Variants in USH2A observed in about 807,000 individuals in gnomAD.
USH2A encodes usherin, also known as Usher syndrome 2A (autosomal recessive, mild).
USH2A carries 443 observed loss-of-function variants against 538.9 expected under a neutral mutation model. The observed-to-expected ratio is 0.82, with a 90% confidence interval of 0.76 to 0.89. USH2A has a LOEUF of 0.89. USH2A is among the 40% of genes least tolerant of loss of function. The pLI, the probability that USH2A is intolerant of heterozygous loss-of-function variation, is 0.00. For missense variants in USH2A, 6,633 were observed against 6,324.8 expected (o/e 1.05, Z -1.65); for synonymous variants, 2,413 against 2,273.5 (o/e 1.06, Z -1.75).
In USH2A at chr1:215,867,118, G is replaced by T; in HGVS notation, c.8734C>A (p.Pro2912Thr). The T allele has an allele frequency of 6.2e-7, 1 of 1,614,066 alleles. No individual in the cohort carries two copies. The change falls in exon 44 of 72, where the codon CCG (proline) becomes ACG (threonine). Residue 2912 changes from proline (P) to threonine (T), a missense_variant. Pro to Thr is a conservative substitution (Grantham distance 38). Transcript: ENST00000307340. ...GTTGTCACAGTCACTTCTCGGCTCG[G>T]TGTAAAACCCACACTGTTGTGTACG... ...LFVHNSVGFTPSREVTVTTLA... is the reference protein window; with the variant it reads ...LFVHNSVGFTTSREVTVTTLA...
chr1:216,000,351 A>G (rs1558203869), intron 33 of USH2A, 52 bp downstream of exon 33: 1 of 1,610,004 alleles, frequency 6.2e-7, no homozygotes. Flanking sequence ...GATTGAACTC[A>G]CTGAGATTCT....
chr1:215,717,253 AAGAT>A (rs1304947965), intron 61 of USH2A, among the ~76,000 whole-genome samples: 3 of 152,170 alleles, frequency 2.0e-5, no homozygotes, highest in Non-Finnish European at 2.9e-5. Context: ...TGCCGCCAAA[AAGAT>A]AGTCATTCAT....
chr1:215,788,947 A>AAAACAAAACAAAAC (rs1403058332), intron 51 of USH2A, among the ~76,000 whole-genome samples: 5 of 152,036 alleles, frequency 3.3e-5, no homozygotes, highest in Admixed American at 3.3e-4. Flanking sequence ...AAAACAAAAC[A>AAAACAAAACAAAAC]AAAAAACAGG....
Position 215,639,169 on chromosome 1 carries a change from G to T in USH2A, c.15038C>A (p.Thr5013Asn), listed in dbSNP as rs397517996. The T allele has an allele frequency of 1.9e-6, 3 of 1,614,084 alleles. No homozygotes were observed. The highest frequency in any genetic ancestry group is 2.5e-6 in the Non-Finnish European group (3 of 1,179,982). The change falls in exon 69 of 72, where the codon ACC becomes AAC. Residue 5013 changes from threonine (T) to asparagine (N), a missense_variant. Physicochemically the swap from Thr to Asn is moderately conservative, Grantham distance 65. Transcript: ENST00000307340. The part of the protein sequence containing the change: ...SVKTPLIQYD[T>N]STGLGLVLTT... The stretch of plus-strand genomic sequence containing the variant: ...GAGTTGTTTACCAAGTCCAGTAGAG[G>T]TATCATATTGGATCAACGGCGTCTT...
chr1:216,201,958 G>C (rs2035010700), intron 16 of USH2A: 2 of 152,552 alleles, frequency 1.3e-5, no homozygotes, highest in African/African-American at 2.4e-5. Context: ...CCCTAGGGCT[G>C]AGATTCAGAC....
At chr1:215,626,527 A>G (rs999390501) in intron 71 of USH2A, among the ~76,000 whole-genome samples, 2 of 151,956 alleles carry the variant, frequency 1.3e-5, no homozygotes, top group Non-Finnish European at 2.9e-5. Context: ...TTTTGTATTT[A>G]TCAAATAGGG....
chr1:216,272,600 T>C (rs1571645646), intron 11 of USH2A, among the ~76,000 whole-genome samples: 1 of 152,128 alleles, frequency 6.6e-6, no homozygotes, highest in Non-Finnish European at 1.5e-5. Flanking sequence ...CTGCTACTCG[T>C]TGACTCACTC....
intron 49 of USH2A, among the ~76,000 whole-genome samples, chr1:215,808,922 C>A (rs12144731): frequency 0.011 from 1,679 of 152,068 alleles, 14 homozygotes; most frequent in Admixed American, 0.018. Context: ...ATATCCAGGA[C>A]CGGATCAAGA....
Position 216,177,307 on chromosome 1 carries a change from A to G in USH2A, c.4397-1825T>C, listed in dbSNP as rs541233287. On this transcript the variant is annotated intron_variant, in intron 20 of 71. Coordinates refer to ENST00000307340, the MANE Select transcript of USH2A (RefSeq NM_206933.4). ...TTTAATTTGCATTTCCCTTTATGAC[A>G]TATGATATAGAACATTTTTCATATG... Among the ~76,000 whole-genome samples the G allele has an allele frequency of 2.0e-5, 3 of 152,286 alleles. No homozygotes were observed. In the South Asian group the frequency reaches 6.2e-4, roughly 32 times the overall value.
intron 19 of USH2A, 127 bp downstream of exon 19, chr1:216,196,426 T>A (rs1031144282): frequency 4.1e-6 from 4 of 976,118 alleles, no homozygotes; most frequent in Non-Finnish European, 6.3e-6. Context: ...AATATTATAT[T>A]AAGAAAAAAT....
At chr1:216,078,384 A>G (rs755940819) in intron 26 of USH2A, 22 bp from the exon 27 acceptor site, 1 of 1,610,728 alleles carries the variant, frequency 6.2e-7, no homozygotes, top group Admixed American at 1.7e-5. Flanking sequence ...ATTAAAAAAG[A>G]AAGTAGGTAT....
intron 34 of USH2A, among the ~76,000 whole-genome samples, chr1:215,996,030 C>T (rs773083184): frequency 6.6e-6 from 1 of 152,092 alleles, no homozygotes; most frequent in Non-Finnish European, 1.5e-5. Context: ...CGTACCTCAG[C>T]CTCCCGAGTA....
At chr1:216,319,641 A>C (rs930537735) in intron 9 of USH2A, among the ~76,000 whole-genome samples, 1 of 152,110 alleles carries the variant, frequency 6.6e-6, no homozygotes, top group Non-Finnish European at 1.5e-5. Context: ...GCACATAGAA[A>C]GAAAGAAAGA....
chr1:215,985,380 T>A (rs1388038540), intron 35 of USH2A, among the ~76,000 whole-genome samples: 2 of 152,192 alleles, frequency 1.3e-5, no homozygotes, highest in Non-Finnish European at 2.9e-5. Flanking sequence ...TAAGCCTTTC[T>A]ACAAAAAGTA....
chr1:216,325,222 C>T (rs1186285834), intron 6 of USH2A, 83 bp downstream of exon 6: 2 of 1,426,610 alleles, frequency 1.4e-6, no homozygotes, highest in Non-Finnish European at 2.0e-6. Context: ...GAATATATTT[C>T]TGTTGTTTTA....
intron 10 of USH2A, 57 bp from the exon 11 acceptor site, chr1:216,289,467 A>G: frequency 6.2e-7 from 1 of 1,610,278 alleles, no homozygotes. Context: ...TCAGCTGCAT[A>G]ATTCAAAATT....
At chr1:215,757,211 T>C (rs1021306010) in intron 58 of USH2A, among the ~76,000 whole-genome samples, 1 of 152,266 alleles carries the variant, frequency 6.6e-6, no homozygotes, top group Non-Finnish European at 1.5e-5. Flanking sequence ...GTACATTTAA[T>C]ATCTTAGAGC....
At chr1:216,309,759 T>C (rs938992526) in intron 9 of USH2A, among the ~76,000 whole-genome samples, 1 of 152,132 alleles carries the variant, frequency 6.6e-6, no homozygotes, top group African/African-American at 2.4e-5. Context: ...CATGAATGGA[T>C]GCTTGATTTT....
In USH2A at chr1:215,979,498, G is replaced by GT. The variant is rs752189723; in HGVS notation, c.6806-8723dup. On this transcript the variant is annotated intron_variant, in intron 35 of 71. Coordinates refer to ENST00000307340, the MANE Select transcript of USH2A (RefSeq NM_206933.4). ...CAGAAAAAATAATCTAGAATCACATGTAAAATAGACTGGAGTAGGGAAGCC... is the reference window on the plus strand; with the variant it reads ...CAGAAAAAATAATCTAGAATCACATGTTAAAATAGACTGGAGTAGGGAAGCC... 2.2e-3 allele frequency among the ~76,000 whole-genome samples: 335 copies of GT among 152,244 alleles called. 4 individuals are homozygous for GT. Among genetic ancestry groups the GT allele is most frequent in the Middle Eastern group, 6.8e-3 (2 of 294 alleles).
Sources: gnomAD v4.1 joint callset for allele counts (sites outside exome capture counted in the v4.1 genomes callset) on GRCh38, gnomAD v4.1.1 for gene constraint, MANE v1.5 for transcripts, NCBI Gene and HGNC (gene_info 2026-07-23, HGNC 2026-07-21) for gene names.